SYNE2: variants seen among roughly 807,000 people sequenced by gnomAD.
SYNE2 encodes spectrin repeat containing nuclear envelope protein 2.
In SYNE2, 431 loss-of-function variants were observed where a neutral mutation model predicts 856.3. That is an observed-to-expected ratio of 0.50 (90% CI 0.47 to 0.55). SYNE2 has a LOEUF of 0.55. Ranked by LOEUF, SYNE2 falls within the 20% of genes least tolerant of loss-of-function variation. The probability of loss-of-function intolerance (pLI) is 0.00; values close to 1 mark genes in which losing one functional copy is unlikely to be tolerated. For missense variants in SYNE2, 8,129 were observed against 8,023.2 expected (o/e 1.01, Z -0.50); for synonymous variants, 2,923 against 2,872.3 (o/e 1.02, Z -0.56).
At chr14:64,224,835 C>T in intron 114 of SYNE2, 164 bp from the exon 115 acceptor site, 4 of 758,140 alleles carry the variant, frequency 5.3e-6, no homozygotes, top group Non-Finnish European at 9.1e-6. Context: ...TTATTTCCTA[C>T]TTCAGGTGAC....
chr14:64,000,621 A>T lies in SYNE2; in HGVS notation c.3540A>T (p.Leu1180Phe). ...WKEFEIISLK[L>F]ENHVNDIKKP... ...AGTTTGAAATTATTTCATTGAAGTT[A>T]GAAAATCATGTGAATGACATAAAAA... Residue 1180 changes from leucine to phenylalanine, a missense_variant, in exon 28 of 116, where the codon TTA becomes TTT. Around this residue, in one of 3 missense-constraint regions of SYNE2, gnomAD observed 2,422 missense variants for 2,357.4 expected, o/e 1.03. Transcript: ENST00000555002. 3 of 1,613,668 alleles carry T rather than the reference A, an allele frequency of 1.9e-6. No individual in the cohort carries two copies. The highest frequency in any genetic ancestry group is 2.5e-6 in the Non-Finnish European group (3 of 1,179,788).
chr14:64,169,045 C>A, intron 93 of SYNE2, 74 bp downstream of exon 93: 2 of 1,179,958 alleles, frequency 1.7e-6, no homozygotes, highest in African/African-American at 1.5e-5. Context: ...GGCTTTCCAC[C>A]ATGTGAACCT....
At chr14:64,015,752 TC>T (rs2096887645) in intron 32 of SYNE2, among the ~76,000 whole-genome samples, 1 of 152,118 alleles carries the variant, frequency 6.6e-6, no homozygotes, top group African/African-American at 2.4e-5. Flanking sequence ...TTTGTTCTTT[TC>T]TTAGATTCTT....
chr14:64,074,996 C>T (rs1428668763), intron 53 of SYNE2, among the ~76,000 whole-genome samples: 1 of 152,200 alleles, frequency 6.6e-6, no homozygotes, highest in Non-Finnish European at 1.5e-5. Flanking sequence ...AAAGCCTGTA[C>T]TCCTGGACTA....
At chr14:63,767,617 C>T (rs1308075248) in intron 1 of SYNE2, among the ~76,000 whole-genome samples, 1 of 152,080 alleles carries the variant, frequency 6.6e-6, no homozygotes, top group Admixed American at 6.6e-5. Context: ...CTCTCTGGTC[C>T]ACCATGTCCC....
intron 70 of SYNE2, 122 bp from the exon 71 acceptor site, chr14:64,124,957 C>A: frequency 8.2e-7 from 1 of 1,219,084 alleles, no homozygotes; most frequent in Non-Finnish European, 1.1e-6. Context: ...GAGAGGAGAT[C>A]ATGCCACTGC....
chr14:63,826,188 T>G (rs911016399), intron 1 of SYNE2, among the ~76,000 whole-genome samples: 3 of 152,188 alleles, frequency 2.0e-5, no homozygotes, highest in Non-Finnish European at 2.9e-5. Flanking sequence ...GGTATTGGCA[T>G]AAAGGCAGAT....
At chr14:64,172,933 G>GAA (rs201610379) in intron 94 of SYNE2, among the ~76,000 whole-genome samples, 30 of 148,508 alleles carry the variant, frequency 2.0e-4, no homozygotes, top group African/African-American at 7.5e-4. Flanking sequence ...AGACCTGTCT[G>GAA]GAAAAAAAAA....
intron 2 of SYNE2, among the ~76,000 whole-genome samples, chr14:63,917,748 G>A (rs2153370231): frequency 6.6e-6 from 1 of 152,274 alleles, no homozygotes; most frequent in African/African-American, 2.4e-5. Flanking sequence ...GGGATTACAG[G>A]CATGAGTCAC....
intron 1 of SYNE2, among the ~76,000 whole-genome samples, chr14:63,831,120 GA>G (rs1381763147): frequency 1.3e-5 from 2 of 152,048 alleles, no homozygotes; most frequent in African/African-American, 4.8e-5. Context: ...GGGGTTACAG[GA>G]GTGAGCCACA....
At chr14:64,006,781 T>C (rs950199881) in intron 30 of SYNE2, among the ~76,000 whole-genome samples, 4 of 152,118 alleles carry the variant, frequency 2.6e-5, no homozygotes, top group Non-Finnish European at 4.4e-5. Flanking sequence ...TGAGCTGAGA[T>C]TGCGCCACTG....
At chr14:64,023,948 C>T (rs773725939) in intron 38 of SYNE2, 20 of 324,372 alleles carry the variant, frequency 6.2e-5, no homozygotes, top group Admixed American at 2.2e-4. Flanking sequence ...ATTTGGGCAA[C>T]GTTAAATAGA....
intron 53 of SYNE2, among the ~76,000 whole-genome samples, chr14:64,075,109 GA>G (rs2097447659): frequency 1.3e-5 from 2 of 152,082 alleles, no homozygotes; most frequent in African/African-American, 4.8e-5. Context: ...TGAGGATTAA[GA>G]AAAGGAAAAC....
At chr14:64,067,810 A>G (rs955381139) in intron 51 of SYNE2, among the ~76,000 whole-genome samples, 1 of 152,220 alleles carries the variant, frequency 6.6e-6, no homozygotes, top group Non-Finnish European at 1.5e-5. Context: ...TCATCATTTT[A>G]TGCTTCAATG....
chr14:64,146,005 TC>T, intron 83 of SYNE2, 62 bp from the exon 84 acceptor site: 1 of 1,208,292 alleles, frequency 8.3e-7, no homozygotes. Context: ...AAAAATAACG[TC>T]ATGGCATTTA....
chr14:64,150,942 A>T (rs1455729760), intron 84 of SYNE2, among the ~76,000 whole-genome samples: 1 of 152,194 alleles, frequency 6.6e-6, no homozygotes, highest in Non-Finnish European at 1.5e-5. Context: ...ACCAGTCCAG[A>T]AGAATAATAT....
chr14:64,224,586 A>AT lies in SYNE2; in HGVS notation c.20469+45dup, dbSNP rs774497913. ...TCCTTCTGTGAGAACCTCACTGGTT[A>AT]TTTTTTAAAGTCACTAAGATGAGGG... On this transcript the variant is annotated intron_variant, in intron 114 of 115. Transcript: ENST00000555002. The AT allele has an allele frequency of 6.8e-6, 11 of 1,609,314 alleles. No homozygotes were observed. In the East Asian group the frequency reaches 2.0e-4, roughly 29 times the overall value.
At position 63,856,584 on chromosome 14, in the gene SYNE2, G is replaced by A. The variant is rs1022330299; in HGVS notation, c.-52+3441G>A. Among the ~76,000 whole-genome samples the A allele has an allele frequency of 2.0e-5, 3 of 152,028 alleles. No homozygotes were observed. The East Asian group carries it at 5.8e-4, about 29-fold the overall frequency. ...TATTATTGTGAAATATTTCAGATTG[G>A]CAACATCTTAATTAAGAAATAATAT... On this transcript the variant is annotated intron_variant, in intron 1 of 115. Coordinates refer to ENST00000555002, the MANE Select transcript of SYNE2 (RefSeq NM_182914.3).
chr14:64,037,652 C>T (rs1159570118), intron 45 of SYNE2, among the ~76,000 whole-genome samples: 1 of 150,542 alleles, frequency 6.6e-6, no homozygotes, highest in Non-Finnish European at 1.5e-5. Flanking sequence ...TTGGGTACAC[C>T]TCCCAGACAG....
Sources: allele counts gnomAD v4.1 joint callset (sites outside exome capture counted in the v4.1 genomes callset), GRCh38; gene constraint gnomAD v4.1.1; regional missense constraint gnomAD v4.1.1; transcripts MANE v1.5; gene names NCBI Gene and HGNC (gene_info 2026-07-23, HGNC 2026-07-21).